SLC39A11: variants seen among roughly 807,000 people sequenced by gnomAD.
SLC39A11 encodes zinc transporter ZIP11.
SLC39A11 carries 33 observed loss-of-function variants against 36.1 expected under a neutral mutation model. The ratio of observed to expected loss-of-function variants is 0.91; its 90% CI spans 0.69 to 1.22. The LOEUF (loss-of-function observed/expected upper bound fraction) is 1.22. Ranked by LOEUF, SLC39A11 falls within the 50% of genes most tolerant of loss-of-function variation. The probability of loss-of-function intolerance (pLI) is 0.00; values close to 1 mark genes in which losing one functional copy is unlikely to be tolerated. For synonymous variants in SLC39A11, 166 were observed against 170.3 expected (o/e 0.97, Z 0.20); for missense variants, 432 against 430.3 (o/e 1.00, Z -0.03).
chr17:72,888,369 G>A (rs914401063), intron 5 of SLC39A11, among the ~76,000 whole-genome samples: 1 of 152,158 alleles, frequency 6.6e-6, no homozygotes, highest in Admixed American at 6.5e-5. Flanking sequence ...AACCTTCATA[G>A]ATCTGAACAA....
intron 6 of SLC39A11, among the ~76,000 whole-genome samples, chr17:72,846,654 T>C (rs1448349019): frequency 6.6e-6 from 1 of 152,150 alleles, no homozygotes; most frequent in Non-Finnish European, 1.5e-5. Flanking sequence ...AGGTGTGGTA[T>C]ATAAAAGGGT....
chr17:72,835,107 C>CTCAGTGCACACCAGG (rs1295383740), intron 6 of SLC39A11, among the ~76,000 whole-genome samples: 1 of 152,206 alleles, frequency 6.6e-6, no homozygotes, highest in Non-Finnish European at 1.5e-5. Context: ...CGGCTTCTGC[C>CTCAGTGCACACCAGG]TCAGTGCACA....
chr17:73,086,773 T>A (rs2060744390), intron 2 of SLC39A11, among the ~76,000 whole-genome samples: 1 of 152,060 alleles, frequency 6.6e-6, no homozygotes, highest in South Asian at 2.1e-4. Context: ...TGAGCTGAGA[T>A]CATGCCACTG....
chr17:72,674,270 C>T (rs4793473), intron 7 of SLC39A11, among the ~76,000 whole-genome samples: 114,464 of 151,930 alleles, frequency 0.75, 43,393 homozygotes, highest in South Asian at 0.8. Context: ...TATCTCCTTC[C>T]TTTTTACATC....
chr17:73,066,530 T>A (rs1226287418), intron 3 of SLC39A11, among the ~76,000 whole-genome samples: 1 of 152,188 alleles, frequency 6.6e-6, no homozygotes, highest in Non-Finnish European at 1.5e-5. Context: ...CCATTATTCA[T>A]CCTTATTATC....
At chr17:73,006,722 C>A (rs2090202796) in intron 4 of SLC39A11, among the ~76,000 whole-genome samples, 1 of 151,886 alleles carries the variant, frequency 6.6e-6, no homozygotes, top group Non-Finnish European at 1.5e-5. Flanking sequence ...ACACAAAGAC[C>A]CTTGATATAA....
chr17:73,045,115 G>A (rs1167998835), intron 3 of SLC39A11, among the ~76,000 whole-genome samples: 1 of 151,800 alleles, frequency 6.6e-6, no homozygotes, highest in Non-Finnish European at 1.5e-5. Context: ...TCCTAAAATG[G>A]CCTCTCTGGG....
chr17:72,790,625 G>C (rs1300190252), intron 6 of SLC39A11, among the ~76,000 whole-genome samples: 1 of 151,692 alleles, frequency 6.6e-6, no homozygotes, highest in Admixed American at 6.6e-5. Flanking sequence ...TCTGCCTCCT[G>C]GGTTCAAGCG....
intron 7 of SLC39A11, among the ~76,000 whole-genome samples, chr17:72,691,000 G>A (rs1444099561): frequency 1.3e-5 from 2 of 152,140 alleles, no homozygotes; most frequent in African/African-American, 4.8e-5. Flanking sequence ...ACTGGGGAGG[G>A]GAAAGTCTCA....
At chr17:72,750,437 G>A (rs926207700) in intron 6 of SLC39A11, among the ~76,000 whole-genome samples, 2 of 133,440 alleles carry the variant, frequency 1.5e-5, no homozygotes, top group Non-Finnish European at 3.2e-5. Flanking sequence ...TGGGGTGGGG[G>A]GTGGGGAGGA....
chr17:73,044,751 G>A (rs1173729126), intron 3 of SLC39A11, among the ~76,000 whole-genome samples: 1 of 151,946 alleles, frequency 6.6e-6, no homozygotes, highest in Non-Finnish European at 1.5e-5. Flanking sequence ...GTGGGTACCT[G>A]TAATCCCAGC....
chr17:73,088,924 G>A (rs767790080), intron 1 of SLC39A11, 149 bp from the exon 2 acceptor site: 3 of 633,484 alleles, frequency 4.7e-6, no homozygotes, highest in Non-Finnish European at 8.6e-6. Flanking sequence ...GTGTCCCTCA[G>A]CCACCCAGCA....
chr17:72,875,501 A>G (rs761792001), intron 5 of SLC39A11, among the ~76,000 whole-genome samples: 11 of 152,130 alleles, frequency 7.2e-5, no homozygotes, highest in Non-Finnish European at 1.3e-4. Flanking sequence ...ACAGAGTTTT[A>G]TGGAAAAGCT....
At chr17:72,675,841 G>A (rs1270717114) in intron 7 of SLC39A11, among the ~76,000 whole-genome samples, 1 of 152,132 alleles carries the variant, frequency 6.6e-6, no homozygotes, top group Non-Finnish European at 1.5e-5. Context: ...CACCATGCCT[G>A]GCTAATTTTG....
In SLC39A11 at chr17:72,693,038, G is replaced by A. The variant is rs530184156; in HGVS notation, c.671+43612C>T. Among the ~76,000 whole-genome samples, 9 of 152,282 alleles carry A rather than the reference G, an allele frequency of 5.9e-5. No homozygotes were observed. The South Asian group carries it at 1.0e-3, about 18-fold the overall frequency. On this transcript the variant is annotated intron_variant, in intron 7 of 9. Coordinates refer to ENST00000255559, the MANE Select transcript of SLC39A11 (RefSeq NM_139177.4). ...CTATCAGCATTCTAGGGGTTTTATC[G>A]GATGCCAAATATCTTCTTATAAACC...
At chr17:72,739,018 A>G (rs2144046664) in intron 6 of SLC39A11, among the ~76,000 whole-genome samples, 1 of 151,982 alleles carries the variant, frequency 6.6e-6, no homozygotes, top group South Asian at 2.1e-4. Context: ...AGATCCTGCT[A>G]AGGAATAAGG....
chr17:72,958,147 A>G (rs2147881611), intron 4 of SLC39A11, among the ~76,000 whole-genome samples: 1 of 152,382 alleles, frequency 6.6e-6, no homozygotes, highest in East Asian at 1.9e-4. Flanking sequence ...TGGTGCTGGG[A>G]TAATTGGCTA....
At chr17:72,662,557 GAAAAGAAAAGA>G (rs1567917938) in intron 7 of SLC39A11, among the ~76,000 whole-genome samples, 3 of 71,448 alleles carry the variant, frequency 4.2e-5, no homozygotes, top group African/African-American at 2.1e-4. Flanking sequence ...AAAGAAAAAA[GAAAAGAAAAGA>G]AAAAGGAAAG....
intron 6 of SLC39A11, among the ~76,000 whole-genome samples, chr17:72,757,986 A>C (rs1229220498): frequency 6.6e-6 from 1 of 152,086 alleles, no homozygotes; most frequent in Non-Finnish European, 1.5e-5. Context: ...CCTGGGTTCA[A>C]GTGATTCTCC....
Sources: allele counts gnomAD v4.1 joint callset (sites outside exome capture counted in the v4.1 genomes callset), GRCh38; gene constraint gnomAD v4.1.1; transcripts MANE v1.5; gene names NCBI Gene and HGNC (gene_info 2026-07-23, HGNC 2026-07-21).